NEB: variants seen among roughly 807,000 people sequenced by gnomAD.
NEB encodes nemaline myopathy type 2.
In NEB, 512 loss-of-function variants were observed where a neutral mutation model predicts 952.2. The observed-to-expected ratio is 0.54, with a 90% CI of 0.50 to 0.58. The LOEUF is 0.58. NEB is among the 20% of genes least tolerant of loss of function. The pLI, the probability that NEB is intolerant of heterozygous loss-of-function variation, is 0.00. For synonymous variants in NEB, 2,900 were observed against 3,149.8 expected (o/e 0.92, Z 2.66); for missense variants, 8,428 against 9,231.1 (o/e 0.91, Z 3.56).
chr2:151,710,676 A>C, intron 10 of NEB, 138 bp from the exon 11 acceptor site: 1 of 531,972 alleles, frequency 1.9e-6, no homozygotes, highest in Non-Finnish European at 3.3e-6. Flanking sequence ...GCCTTTAAAA[A>C]AAATCTTCCA....
intron 35 of NEB, 80 bp from the exon 36 acceptor site, chr2:151,674,664 A>C (rs574756435): frequency 9.4e-7 from 1 of 1,066,488 alleles, no homozygotes; most frequent in African/African-American, 1.5e-5. Flanking sequence ...TTTTCCAGAC[A>C]GAAGTTGAAG....
chr2:151,496,259 CT>C lies in NEB; in HGVS notation c.24486+16del, dbSNP rs780636837. The C allele has an allele frequency of 6.3e-7, 1 of 1,576,810 alleles. No individual in the cohort carries two copies. The highest frequency in any genetic ancestry group is 8.7e-7 in the Non-Finnish European group (1 of 1,153,402). On this transcript the variant is annotated intron_variant, in intron 173 of 181. Coordinates refer to ENST00000397345, the MANE Select transcript of NEB (RefSeq NM_001164508.2). ...TTTAAAATCAGTAAGTAGTTTTTTT[CT>C]TTTCTCGCCAAGTACCGAGCTAATA...
In NEB at chr2:151,490,418, G is replaced by T; in HGVS notation, c.25251C>A (p.His8417Gln). The stretch of plus-strand genomic sequence containing the variant: ...CCCCGTCGCTGTAAGTCGAAAGGTG[G>T]TGGTCTGGTGCTTCTGAATGCTCAG... ...EKSEHSEAPD[H>Q]HLSTYSDGGV... Residue 8417 changes from histidine (H) to glutamine (Q), a missense_variant, in exon 180 of 182, where the codon CAC (histidine) becomes CAA (glutamine). By Grantham distance (24) the His-to-Gln change is conservative (BLOSUM62 0). Coordinates refer to ENST00000397345, the MANE Select transcript of NEB (RefSeq NM_001164508.2). 6.3e-7 allele frequency: 1 copy of T among 1,599,360 alleles called. No homozygotes were observed. Among genetic ancestry groups the T allele is most frequent in the Non-Finnish European group, 8.5e-7 (1 of 1,172,548 alleles).
chr2:151,618,895 T>C (rs2098298847), intron 73 of NEB, among the ~76,000 whole-genome samples: 1 of 152,214 alleles, frequency 6.6e-6, no homozygotes, highest in Admixed American at 6.5e-5. Flanking sequence ...ACTTCAAGTG[T>C]ATAAAGGAAA....
At position 151,535,734 on chromosome 2, in the gene NEB, G is replaced by A. The variant is rs752467283; in HGVS notation, c.21269C>T (p.Pro7090Leu). 7 of 1,609,226 alleles carry A rather than the reference G, an allele frequency of 4.3e-6. No homozygotes were observed. The highest frequency in any genetic ancestry group is 3.4e-5 in the Admixed American group (2 of 59,648). The change falls in exon 142 of 182, where the codon CCG becomes CTG. Residue 7090 changes from proline to leucine, a missense_variant. This residue lies in a region of NEB where 3,374 missense variants were observed against 3,651.5 expected (regional missense o/e 0.92). Transcript: ENST00000397345. ...TGCATACTTGAAATGCCTATTGATC[G>A]GAGAGTCGGCAACATACTTGAAATC... ...KSDFKYVADS[P>L]INRHFKYATQ...
chr2:151,518,521 A>G, intron 155 of NEB, 99 bp from the exon 156 acceptor site: 1 of 752,498 alleles, frequency 1.3e-6, no homozygotes, highest in East Asian at 2.5e-5. Context: ...ACCATTGTCA[A>G]GATCAAACTA....
chr2:151,531,421 A>G (rs2090867676), intron 144 of NEB, among the ~76,000 whole-genome samples: 2 of 145,698 alleles, frequency 1.4e-5, no homozygotes, highest in South Asian at 2.1e-4. Context: ...GGCTCAAGCA[A>G]TTGTCACGCC....
intron 20 of NEB, 101 bp downstream of exon 20, chr2:151,694,222 G>T: frequency 3.0e-6 from 3 of 1,003,694 alleles, no homozygotes; most frequent in East Asian, 2.4e-5. Flanking sequence ...TTGTCATCTT[G>T]AATCCAAGAT....
rs758590520 is a variant in NEB at position 151,678,073 on chromosome 2, G to T, written c.3370C>A (p.Arg1124=). The change falls in exon 33 of 182, where the codon CGG becomes AGG. Residue 1124 remains arginine, a synonymous_variant. Transcript: ENST00000397345. ...YMNVAKIQSD[R]EYKKDYEKTK... ...TTCTCATAGTCTTTTTTATACTCCC[G>T]ATCTGATTGTATCTTGGCCACGTTC... The T allele has an allele frequency of 6.2e-7, 1 of 1,613,750 alleles. No individual in the cohort carries two copies. The highest frequency in any genetic ancestry group is 1.1e-5 in the South Asian group (1 of 91,064).
intron 55 of NEB, 66 bp downstream of exon 55, chr2:151,646,064 A>T: frequency 8.2e-7 from 1 of 1,214,446 alleles, no homozygotes; most frequent in Non-Finnish European, 1.2e-6. Context: ...CTTCTAGACA[A>T]TTTCACTGAT....
intron 161 of NEB, 43 bp from the exon 162 acceptor site, chr2:151,508,152 G>A (rs1369274190): frequency 1.4e-6 from 2 of 1,379,922 alleles, no homozygotes; most frequent in African/African-American, 1.4e-5. Context: ...AACACCACAG[G>A]GATATAGGCC....
At chr2:151,733,522 C>T (rs962877455) in intron 2 of NEB, among the ~76,000 whole-genome samples, 190 bp downstream of exon 2, 1 of 152,114 alleles carries the variant, frequency 6.6e-6, no homozygotes, top group Non-Finnish European at 1.5e-5. Context: ...CATTTTCCAG[C>T]AAAAATTTTA....
At position 151,539,890 on chromosome 2, in the gene NEB, T is replaced by C. The variant is rs541579503; in HGVS notation, c.20892+454A>G. On this transcript the variant is annotated intron_variant, in intron 138 of 181. Transcript: ENST00000397345. ...CAGCATGCTAGACACTTATACATTA[T>C]CTTGTTTGGTTTTATTTAATTATCA... is the stretch of plus-strand genomic sequence containing the variant. Among the ~76,000 whole-genome samples the C allele has an allele frequency of 6.6e-5, 10 of 152,312 alleles. No homozygotes were observed. In the South Asian group the frequency reaches 2.1e-3, roughly 32 times the overall value.
chr2:151,561,568 C>G (rs2096057400), intron 121 of NEB, among the ~76,000 whole-genome samples: 1 of 147,004 alleles, frequency 6.8e-6, no homozygotes, highest in Non-Finnish European at 1.5e-5. Flanking sequence ...ACAGCAGCCC[C>G]TCACTTTTTT....
chr2:151,565,432 C>A, intron 116 of NEB, 69 bp downstream of exon 116: 1 of 1,081,824 alleles, frequency 9.2e-7, no homozygotes, highest in Non-Finnish European at 1.4e-6. Flanking sequence ...TAAAGTTAAG[C>A]TAATCCACCC....
chr2:151,560,799 C>T, intron 123 of NEB, 100 bp from the exon 124 acceptor site: 1 of 869,608 alleles, frequency 1.1e-6, no homozygotes, highest in South Asian at 1.7e-5. Flanking sequence ...TCACACACTC[C>T]CTACTAACTC....
chr2:151,540,131 A>G (rs10203078), intron 138 of NEB, among the ~76,000 whole-genome samples: 1,552 of 152,270 alleles, frequency 0.01, 33 homozygotes, highest in African/African-American at 0.036. Flanking sequence ...TTTATTCAGG[A>G]GAGAATTGAG....
intron 135 of NEB, among the ~76,000 whole-genome samples, chr2:151,545,311 C>T (rs2094539827): frequency 1.3e-5 from 2 of 152,164 alleles, no homozygotes; most frequent in Non-Finnish European, 2.9e-5. Context: ...CGTGGTGGCT[C>T]ACGCCTGTAA....
At chr2:151,681,642 G>A (rs980176437) in intron 29 of NEB, among the ~76,000 whole-genome samples, 6 of 152,118 alleles carry the variant, frequency 3.9e-5, no homozygotes, top group Non-Finnish European at 5.9e-5. Context: ...AAACTTGAGC[G>A]TGGAAGACAA....
Sources: gnomAD v4.1 joint callset for allele counts (sites outside exome capture counted in the v4.1 genomes callset) on GRCh38, gnomAD v4.1.1 for gene constraint, gnomAD v4.1.1 regional missense constraint, MANE v1.5 for transcripts, NCBI Gene and HGNC (gene_info 2026-07-23, HGNC 2026-07-21) for gene names.